The following PTPRG variants were observed in gnomAD, a reference collection of about 807,000 sequenced individuals.
PTPRG encodes the protein receptor-type tyrosine-protein phosphatase gamma.
A neutral mutation model predicts 165.3 loss-of-function variants in PTPRG; 102 were observed. The ratio of observed to expected loss-of-function variants is 0.62; its 90% CI spans 0.53 to 0.73. The LOEUF is 0.73. PTPRG is among the 30% of genes least tolerant of loss of function. The probability of loss-of-function intolerance (pLI) is 0.00; values close to 1 mark genes in which losing one functional copy is unlikely to be tolerated. For synonymous variants in PTPRG, 675 were observed against 669.5 expected, an observed-to-expected ratio of 1.01 and a Z score of -0.13; for missense variants, 1,866 against 1,861.4, an observed-to-expected ratio of 1.00 and a Z score of -0.05.
chr3:61,974,771 A>G (rs2040464898), intron 2 of PTPRG, among the ~76,000 whole-genome samples: 1 of 152,182 alleles, frequency 6.6e-6, no homozygotes. Flanking sequence ...CAGATTATGA[A>G]GAGACAGGGT....
chr3:62,159,117 G>A (rs1188771952), intron 7 of PTPRG, among the ~76,000 whole-genome samples: 1 of 151,698 alleles, frequency 6.6e-6, no homozygotes, highest in Non-Finnish European at 1.5e-5. Context: ...TTGAGCCCAG[G>A]AATTTGAGAC....
chr3:61,846,284 A>G (rs918393603), intron 2 of PTPRG, among the ~76,000 whole-genome samples: 2 of 152,242 alleles, frequency 1.3e-5, no homozygotes, highest in African/African-American at 4.8e-5. Flanking sequence ...TACAATAGCA[A>G]TTAATATCCG....
chr3:61,923,125 T>C (rs2039120412), intron 2 of PTPRG, among the ~76,000 whole-genome samples: 1 of 152,212 alleles, frequency 6.6e-6, no homozygotes, highest in South Asian at 2.1e-4. Flanking sequence ...TAGTAGGTAC[T>C]GATTAAAATG....
At chr3:62,130,115 A>C (rs1354721005) in intron 5 of PTPRG, among the ~76,000 whole-genome samples, 1 of 152,142 alleles carries the variant, frequency 6.6e-6, no homozygotes, top group Non-Finnish European at 1.5e-5. Flanking sequence ...GGGTATGGCT[A>C]GTTCAGCCCA....
intron 2 of PTPRG, among the ~76,000 whole-genome samples, chr3:61,865,519 A>G (rs1328435934): frequency 2.0e-5 from 3 of 152,306 alleles, no homozygotes; most frequent in African/African-American, 7.2e-5. Context: ...ACTGTGCATC[A>G]TTCCCTATCA....
chr3:62,121,153 C>T (rs1287977698), intron 5 of PTPRG, among the ~76,000 whole-genome samples: 1 of 150,890 alleles, frequency 6.6e-6, no homozygotes, highest in East Asian at 2.0e-4. Flanking sequence ...CGGGGTTTCA[C>T]CATGTTAGCC....
chr3:61,621,719 T>TTA (rs1281130467), intron 1 of PTPRG, among the ~76,000 whole-genome samples: 1 of 152,216 alleles, frequency 6.6e-6, no homozygotes, highest in African/African-American at 2.4e-5. Flanking sequence ...GTTAGGATAA[T>TTA]TATAGTATTT....
Position 61,562,133 on chromosome 3 carries a change from G to C in PTPRG, c.-155G>C. On this transcript the variant is annotated 5_prime_UTR_variant, in exon 1 of 30. Coordinates refer to ENST00000474889, the MANE Select transcript of PTPRG (RefSeq NM_002841.4). ...TCCGGGGGGCGCTCGGCGGCTTCCCGGATTCCAAGGGGACTCGGGCCGCCG... is the reference window on the plus strand; with the variant it reads ...TCCGGGGGGCGCTCGGCGGCTTCCCCGATTCCAAGGGGACTCGGGCCGCCG... 17 of 442,894 alleles carry C rather than the reference G, an allele frequency of 3.8e-5. No homozygotes were observed. Among genetic ancestry groups the C allele is most frequent in the Non-Finnish European group, 4.2e-5 (10 of 236,892 alleles). 27.4% of individuals were successfully genotyped at this position (442,894 alleles called of 1,614,324 possible).
At chr3:62,173,561 G>A (rs1705302815) in intron 8 of PTPRG, among the ~76,000 whole-genome samples, 1 of 152,146 alleles carries the variant, frequency 6.6e-6, no homozygotes, top group African/African-American at 2.4e-5. Context: ...TGTCTTCAAG[G>A]TGGTAATGGC....
intron 1 of PTPRG, among the ~76,000 whole-genome samples, chr3:61,636,384 G>T (rs758517539): frequency 6.6e-6 from 1 of 152,040 alleles, no homozygotes; most frequent in African/African-American, 2.4e-5. Context: ...TTATAAATTC[G>T]CCTATTCTGG....
intron 4 of PTPRG, among the ~76,000 whole-genome samples, chr3:62,020,321 C>T (rs896665489): frequency 6.6e-6 from 1 of 151,848 alleles, no homozygotes; most frequent in African/African-American, 2.4e-5. Flanking sequence ...ACTTTAAATT[C>T]AAGAAAAAAA....
At chr3:62,039,823 C>T (rs902409727) in intron 4 of PTPRG, among the ~76,000 whole-genome samples, 2 of 111,550 alleles carry the variant, frequency 1.8e-5, no homozygotes, top group African/African-American at 7.9e-5. Context: ...GTAACAGTTA[C>T]AGCACTTGCC....
chr3:61,769,665 A>G (rs1017864340), intron 2 of PTPRG: 6 of 152,214 alleles, frequency 3.9e-5, no homozygotes, highest in South Asian at 2.1e-4. Context: ...CAGAGCACAC[A>G]TGATTGAACT....
At chr3:62,091,172 C>T (rs990762280) in intron 5 of PTPRG, among the ~76,000 whole-genome samples, 1 of 152,202 alleles carries the variant, frequency 6.6e-6, no homozygotes, top group Non-Finnish European at 1.5e-5. Context: ...GGACATATAT[C>T]GCTTCAGTAT....
chr3:61,955,996 A>G (rs1304193130), intron 2 of PTPRG, among the ~76,000 whole-genome samples: 1 of 152,108 alleles, frequency 6.6e-6, no homozygotes, highest in Non-Finnish European at 1.5e-5. Flanking sequence ...CAGAGATAGA[A>G]TTGCCAAGTT....
chr3:62,191,366 C>T, intron 8 of PTPRG, 103 bp from the exon 9 acceptor site: 1 of 1,025,870 alleles, frequency 9.7e-7, no homozygotes, highest in Non-Finnish European at 1.4e-6. Flanking sequence ...TGGGTGCTTC[C>T]TGTATTACTC....
rs2040839061 is a variant in PTPRG at position 61,989,711 on chromosome 3, G to T, written c.277G>T (p.Ala93Ser). The change falls in exon 3 of 30, where the codon GCG (alanine) becomes TCG (serine). Residue 93 changes from alanine to serine, a missense_variant. Physicochemically the swap from Ala to Ser is moderately conservative, Grantham distance 99 (BLOSUM62 1). Around this residue, in one of 3 missense-constraint regions of PTPRG, gnomAD observed 408 missense variants for 376.2 expected, o/e 1.08. Coordinates refer to ENST00000474889, the MANE Select transcript of PTPRG (RefSeq NM_002841.4). The stretch of plus-strand genomic sequence containing the variant: ...TCCTATTGACATTTTAGACCAGTAT[G>T]CGCGTGTTGGGGAAGAATACCAGGA... Reference protein sequence around the residue: ...QSPIDILDQYARVGEEYQELQ... With the variant: ...QSPIDILDQYSRVGEEYQELQ... 1 of 1,614,028 alleles carries T rather than the reference G, an allele frequency of 6.2e-7. No homozygotes were observed. Among genetic ancestry groups the T allele is most frequent in the Non-Finnish European group, 8.5e-7 (1 of 1,180,026 alleles).
At chr3:61,858,406 A>ACTACTT (rs2037172938) in intron 2 of PTPRG, among the ~76,000 whole-genome samples, 1 of 152,220 alleles carries the variant, frequency 6.6e-6, no homozygotes, top group Non-Finnish European at 1.5e-5. Flanking sequence ...GTCCTTCTAA[A>ACTACTT]GCTAATTTTA....
intron 5 of PTPRG, among the ~76,000 whole-genome samples, chr3:62,111,960 G>A (rs116223020): frequency 6.6e-6 from 1 of 152,104 alleles, no homozygotes; most frequent in South Asian, 2.1e-4. Flanking sequence ...CATTCTTAAG[G>A]ACTTGAATGA....
Sources: allele counts gnomAD v4.1 joint callset (sites outside exome capture counted in the v4.1 genomes callset), GRCh38; gene constraint gnomAD v4.1.1; regional missense constraint gnomAD v4.1.1; transcripts MANE v1.5; gene names NCBI Gene and HGNC (gene_info 2026-07-23, HGNC 2026-07-21).